BICC1: variants seen among roughly 807,000 people sequenced by gnomAD.
BICC1 encodes the protein protein bicaudal C homolog 1.
In BICC1, 43 loss-of-function variants were observed where a neutral mutation model predicts 111.0. That is an observed-to-expected ratio of 0.39 (90% confidence interval 0.30 to 0.50). The LOEUF (loss-of-function observed/expected upper bound fraction) is 0.50, where lower values mean the gene tolerates loss of function less well. Ranked by LOEUF, BICC1 falls within the 20% of genes least tolerant of loss-of-function variation. The pLI, the probability that BICC1 is intolerant of heterozygous loss-of-function variation, is 0.88. For missense variants in BICC1, 1,091 were observed against 1,203.2 expected, an observed-to-expected ratio of 0.91 and a Z score of 1.38; for synonymous variants, 467 against 434.4, an observed-to-expected ratio of 1.07 and a Z score of -0.93.
intron 2 of BICC1, among the ~76,000 whole-genome samples, chr10:58,701,285 G>T (rs1008424336): frequency 9.9e-5 from 15 of 152,088 alleles, no homozygotes; most frequent in Non-Finnish European, 1.8e-4. Context: ...TTCTATGTTT[G>T]TCTTACATGA....
intron 1 of BICC1, among the ~76,000 whole-genome samples, chr10:58,566,217 C>T (rs1046032354): frequency 1.3e-5 from 2 of 150,876 alleles, no homozygotes; most frequent in East Asian, 3.9e-4. Flanking sequence ...TACACACTTG[C>T]ATATGTGTAT....
chr10:58,580,121 T>C (rs1308324009), intron 1 of BICC1, among the ~76,000 whole-genome samples: 1 of 152,058 alleles, frequency 6.6e-6, no homozygotes, highest in Non-Finnish European at 1.5e-5. Context: ...ACCTCCTGGC[T>C]TCAAGTGATT....
chr10:58,729,031 G>C, intron 3 of BICC1, among the ~76,000 whole-genome samples: 1 of 152,140 alleles, frequency 6.6e-6, no homozygotes, highest in Non-Finnish European at 1.5e-5. Flanking sequence ...AATTCTTGAG[G>C]ATTCTGGGAT....
intron 2 of BICC1, among the ~76,000 whole-genome samples, chr10:58,673,584 A>G (rs1486700844): frequency 1.3e-5 from 2 of 152,162 alleles, no homozygotes; most frequent in Non-Finnish European, 2.9e-5. Flanking sequence ...TAGTAGCACC[A>G]TCTACTCACT....
rs945748935 is a variant in BICC1, at chr10:58,758,378, C to G, written c.308-26623C>G. On this transcript the variant is annotated intron_variant, in intron 3 of 20. Transcript: ENST00000373886. ...TTCTTCCCCTACCAAATTGACAATTCTCTGCTACTGAATAAAAAATGGAAC... is the reference window on the plus strand; with the variant it reads ...TTCTTCCCCTACCAAATTGACAATTGTCTGCTACTGAATAAAAAATGGAAC... 9.2e-5 allele frequency among the ~76,000 whole-genome samples: 14 copies of G among 152,176 alleles called. 1 individual carries two copies. The highest frequency in any genetic ancestry group is 9.2e-4 in the Admixed American group (14 of 15,278).
intron 2 of BICC1, among the ~76,000 whole-genome samples, chr10:58,654,575 G>A (rs1838567534): frequency 1.2e-5 from 1 of 81,766 alleles, no homozygotes; most frequent in Non-Finnish European, 2.5e-5. Context: ...GTAGATTCTG[G>A]ATATTAGCCC....
intron 3 of BICC1, among the ~76,000 whole-genome samples, chr10:58,740,547 T>TAC (rs370454120): frequency 5.0e-4 from 76 of 152,264 alleles, no homozygotes; most frequent in African/African-American, 1.8e-3. Flanking sequence ...GGTGTATATA[T>TAC]GTGTGTGTGT....
chr10:58,806,913 A>G (rs1589158290), intron 16 of BICC1, 91 bp from the exon 17 acceptor site: 1 of 1,146,604 alleles, frequency 8.7e-7, no homozygotes, highest in South Asian at 1.6e-5. Flanking sequence ...TAATTTCTTC[A>G]CATATATCAA....
intron 1 of BICC1, among the ~76,000 whole-genome samples, chr10:58,549,223 T>C (rs936190983): frequency 6.6e-6 from 1 of 152,142 alleles, no homozygotes; most frequent in African/African-American, 2.4e-5. Context: ...CCTGTTGAGA[T>C]TGTTTCCAGC....
intron 1 of BICC1, among the ~76,000 whole-genome samples, chr10:58,568,564 T>C (rs1280869201): frequency 1.3e-5 from 2 of 152,138 alleles, no homozygotes; most frequent in African/African-American, 4.8e-5. Flanking sequence ...GAGGGGTTGT[T>C]GGCCAGCAAA....
intron 1 of BICC1, among the ~76,000 whole-genome samples, chr10:58,542,847 T>TA (rs34877289): frequency 0.49 from 73,712 of 150,626 alleles, 18,206 homozygotes; most frequent in South Asian, 0.55. Context: ...TGGCCATTAT[T>TA]AAAAAAAAAC....
In BICC1 at chr10:58,606,667, G is replaced by A. The variant is rs752597581; in HGVS notation, c.191-14188G>A. 8.2e-4 allele frequency among the ~76,000 whole-genome samples: 125 copies of A among 151,786 alleles called. 1 individual carries two copies. The highest frequency in any genetic ancestry group is 3.4e-3 in the Middle Eastern group (1 of 292). On this transcript the variant is annotated intron_variant, in intron 1 of 20. Coordinates refer to ENST00000373886, the MANE Select transcript of BICC1 (RefSeq NM_001080512.3). ...TGAGAATTCTGACACTATTCTAATC[G>A]CCTGTGACTTGTTTTTTTCTCTCTG...
chr10:58,615,114 C>T (rs1254350324), intron 1 of BICC1, among the ~76,000 whole-genome samples: 1 of 151,722 alleles, frequency 6.6e-6, no homozygotes, highest in Non-Finnish European at 1.5e-5. Flanking sequence ...TGAGCACTGA[C>T]CTTTTATCTT....
rs572420657 is a variant in BICC1, at chr10:58,767,005, A to G, written c.308-17996A>G. ...GTCTTAGAATTCAACAGCTGTTTGT[A>G]TCTGACTGACTGCATCTCAGACTCC... On this transcript the variant is annotated intron_variant, in intron 3 of 20. Coordinates refer to ENST00000373886, the MANE Select transcript of BICC1 (RefSeq NM_001080512.3). Among the ~76,000 whole-genome samples the G allele has an allele frequency of 8.5e-5, 13 of 152,222 alleles. No homozygotes were observed. In the South Asian group the frequency reaches 2.5e-3, roughly 29 times the overall value.
At chr10:58,803,891 A>G (rs1843631802) in intron 15 of BICC1, among the ~76,000 whole-genome samples, 1 of 152,232 alleles carries the variant, frequency 6.6e-6, no homozygotes, top group Non-Finnish European at 1.5e-5. Flanking sequence ...ACAATATGAA[A>G]GATAAGGATT....
At chr10:58,766,031 T>C (rs1173836918) in intron 3 of BICC1, among the ~76,000 whole-genome samples, 2 of 152,214 alleles carry the variant, frequency 1.3e-5, no homozygotes, top group Admixed American at 6.5e-5. Flanking sequence ...ATTGTGTTAC[T>C]GGAAGCAGCA....
intron 2 of BICC1, among the ~76,000 whole-genome samples, chr10:58,659,877 C>A (rs991883809): frequency 2.6e-5 from 4 of 152,212 alleles, no homozygotes; most frequent in Admixed American, 2.0e-4. Flanking sequence ...ATTATTATAG[C>A]AACAAAGTAA....
intron 1 of BICC1, among the ~76,000 whole-genome samples, chr10:58,516,075 T>G (rs1049141793): frequency 1.3e-5 from 2 of 152,210 alleles, no homozygotes; most frequent in African/African-American, 4.8e-5. Context: ...AGCTTTTTAT[T>G]TGAAAAGTGC....
chr10:58,651,797 C>A (rs900743209), intron 2 of BICC1, among the ~76,000 whole-genome samples: 4 of 152,020 alleles, frequency 2.6e-5, no homozygotes, highest in African/African-American at 9.7e-5. Flanking sequence ...GTTATTTCCC[C>A]AAATTTATAG....
Sources: gnomAD v4.1 joint callset for allele counts (sites outside exome capture counted in the v4.1 genomes callset) on GRCh38, gnomAD v4.1.1 for gene constraint, MANE v1.5 for transcripts, NCBI Gene and HGNC (gene_info 2026-07-23, HGNC 2026-07-21) for gene names.